The following NR3C1 variants were observed in gnomAD, a reference collection of about 807,000 sequenced individuals.
The protein encoded by NR3C1 is glucocorticoid receptor.
In NR3C1, 14 loss-of-function variants were observed where a neutral mutation model predicts 74.0. That is an observed-to-expected ratio of 0.19 (90% CI 0.12 to 0.30). NR3C1 has a LOEUF of 0.30. NR3C1 is among the 10% of genes least tolerant of loss of function. The pLI is 1.00. For synonymous variants in NR3C1, 308 were observed against 332.5 expected (o/e 0.93, Z 0.80); for missense variants, 695 against 909.8 (o/e 0.76, Z 3.04).
At chr5:143,406,551 C>T (rs1841120939), upstream of NR3C1, among the ~76,000 whole-genome samples, 2 of 152,172 alleles carry the variant, frequency 1.3e-5, no homozygotes, top group Admixed American at 1.3e-4. Context: ...AAGTTAACCC[C>T]TCTTTTTCAG....
chr5:143,299,578 T>A lies in NR3C1; in HGVS notation c.1748-766A>T, dbSNP rs1216833054. Among the ~76,000 whole-genome samples, 4 of 152,306 alleles carry A rather than the reference T, an allele frequency of 2.6e-5. No homozygotes were observed. The East Asian group carries it at 7.7e-4, about 29-fold the overall frequency. On this transcript the variant is annotated intron_variant, in intron 5 of 8. Transcript: ENST00000394464. ...TAGTTAACAATAATTTACTTTATAT[T>A]TCAAAATAGCTAAAAGAGAAGATTT...
At chr5:143,351,393 A>T (rs1178550261) in intron 2 of NR3C1, among the ~76,000 whole-genome samples, 6 of 150,786 alleles carry the variant, frequency 4.0e-5, no homozygotes, top group Non-Finnish European at 8.8e-5. Context: ...CTATCTTTAT[A>T]AAAAAATGCT....
At position 143,419,668 on chromosome 5, in the gene NR3C1, C is replaced by T. The variant is rs549872405; in HGVS notation, c.-14+14864G>A. Among the ~76,000 whole-genome samples, 22 of 152,202 alleles carry T rather than the reference C, an allele frequency of 1.4e-4. No individual in the cohort carries two copies. The East Asian group carries it at 1.7e-3, about 12-fold the overall frequency. The stretch of plus-strand genomic sequence containing the variant: ...ATAGGTGTGGGTCACAGAGATCACG[C>T]GCTTCACAAGGTAATAGAATATCAC... On this transcript the variant is annotated intron_variant, in intron 1 of 8. Transcript: ENST00000343796.
rs1282533704 is a variant in NR3C1, at chr5:143,280,104, T to C, written c.*1785A>G. On this transcript the variant is annotated 3_prime_UTR_variant, in exon 9 of 9. Coordinates refer to ENST00000394464, the MANE Select transcript of NR3C1 (RefSeq NM_000176.3). ...TCTTCCCCTAGAGCAAACTGTTTGGTTTCTGAGACCATCGCTGCCTGTATG... is the reference window on the plus strand; with the variant it reads ...TCTTCCCCTAGAGCAAACTGTTTGGCTTCTGAGACCATCGCTGCCTGTATG... 6.6e-6 allele frequency: 1 copy of C among 152,604 alleles called. No homozygotes were observed. Among genetic ancestry groups the C allele is most frequent in the East Asian group, 1.9e-4 (1 of 5,202 alleles). 9.5% of individuals were successfully genotyped at this position (152,604 alleles called of 1,614,324 possible).
At chr5:143,332,909 T>C (rs894944025) in intron 2 of NR3C1, 6 of 1,520,284 alleles carry the variant, frequency 3.9e-6, no homozygotes, top group Non-Finnish European at 5.4e-6. Flanking sequence ...TGGAACCTTA[T>C]GTGACCTGGG....
chr5:143,332,581 T>C, intron 2 of NR3C1: 1 of 979,784 alleles, frequency 1.0e-6, no homozygotes, highest in Middle Eastern at 3.2e-4. Context: ...AAAAAAGAAT[T>C]GAGTAGCTGC....
At chr5:143,408,830 G>A (rs908157797) in intron 1 of NR3C1, among the ~76,000 whole-genome samples, 8 of 151,936 alleles carry the variant, frequency 5.3e-5, no homozygotes, top group Admixed American at 2.6e-4. Context: ...AATAATTTTC[G>A]TGCAGATTTC....
chr5:143,393,568 C>A (rs964150213), intron 2 of NR3C1, among the ~76,000 whole-genome samples: 3 of 151,958 alleles, frequency 2.0e-5, no homozygotes, highest in African/African-American at 4.8e-5. Flanking sequence ...GCAAAATCTG[C>A]AATTTAAATA....
intron 1 of NR3C1, among the ~76,000 whole-genome samples, chr5:143,428,110 A>G (rs1317842837): frequency 6.6e-6 from 1 of 152,228 alleles, no homozygotes; most frequent in East Asian, 1.9e-4. Context: ...TATAGGACTT[A>G]CAAGAAAAGA....
chr5:143,408,419 T>C (rs114532614), upstream of NR3C1, among the ~76,000 whole-genome samples: 1,058 of 152,316 alleles, frequency 6.9e-3, 11 homozygotes, highest in African/African-American at 0.025. Flanking sequence ...TATTCATCTG[T>C]AGAATTACTA....
At chr5:143,396,210 TAC>T (rs1486865620) in intron 2 of NR3C1, among the ~76,000 whole-genome samples, 3 of 151,860 alleles carry the variant, frequency 2.0e-5, no homozygotes, top group African/African-American at 4.8e-5. Context: ...CACACCTGAA[TAC>T]ACAGTGTGTT....
intron 2 of NR3C1, among the ~76,000 whole-genome samples, chr5:143,332,006 T>C (rs958010648): frequency 2.0e-5 from 3 of 152,118 alleles, no homozygotes; most frequent in African/African-American, 7.2e-5. Context: ...AAAACAATGA[T>C]TATGACAAAA....
At chr5:143,293,600 G>A (rs1057507457) in intron 7 of NR3C1, among the ~76,000 whole-genome samples, 8 of 152,110 alleles carry the variant, frequency 5.3e-5, no homozygotes, top group African/African-American at 9.7e-5. Flanking sequence ...TACAAATGCC[G>A]TCAAAGAGCA....
chr5:143,389,370 T>C (rs1837838744), intron 2 of NR3C1, among the ~76,000 whole-genome samples: 1 of 152,226 alleles, frequency 6.6e-6, no homozygotes. Flanking sequence ...TGTAGTTCTT[T>C]AGTTCTTCCA....
chr5:143,384,108 T>A (rs576944068), intron 2 of NR3C1, among the ~76,000 whole-genome samples: 1 of 152,210 alleles, frequency 6.6e-6, no homozygotes, highest in Non-Finnish European at 1.5e-5. Flanking sequence ...CATGTTCACA[T>A]GGCAGAGGAG....
At chr5:143,381,635 A>G (rs1232750745) in intron 2 of NR3C1, among the ~76,000 whole-genome samples, 1 of 152,200 alleles carries the variant, frequency 6.6e-6, no homozygotes, top group Non-Finnish European at 1.5e-5. Flanking sequence ...TCATACACCT[A>G]CAGTGAACTC....
At chr5:143,431,226 T>A (rs539357852) in intron 1 of NR3C1, among the ~76,000 whole-genome samples, 2 of 152,212 alleles carry the variant, frequency 1.3e-5, no homozygotes, top group South Asian at 4.1e-4. Context: ...CCCCAGTGCA[T>A]TCATTTTTCA....
At chr5:143,309,594 A>T (rs1047844775) in intron 4 of NR3C1, among the ~76,000 whole-genome samples, 4 of 152,110 alleles carry the variant, frequency 2.6e-5, no homozygotes, top group African/African-American at 9.7e-5. Context: ...CTTTACTTGA[A>T]AACCAAAACA....
intron 3 of NR3C1, among the ~76,000 whole-genome samples, chr5:143,312,218 C>T (rs914049993): frequency 2.6e-5 from 4 of 152,124 alleles, no homozygotes; most frequent in Admixed American, 2.0e-4. Flanking sequence ...TCTCTGCCTC[C>T]TTGAATGCAT....
Sources: allele counts gnomAD v4.1 joint callset (sites outside exome capture counted in the v4.1 genomes callset), GRCh38; gene constraint gnomAD v4.1.1; transcripts MANE v1.5; gene names NCBI Gene and HGNC (gene_info 2026-07-23, HGNC 2026-07-21).